The following FARP1 variants were observed in gnomAD, a reference collection of about 807,000 sequenced individuals.
FARP1 encodes the protein FERM, ARH/RhoGEF and pleckstrin domain protein 1.
In FARP1, 52 loss-of-function variants were observed where a neutral mutation model predicts 128.8. The ratio of observed to expected loss-of-function variants is 0.40; its 90% CI spans 0.32 to 0.51. The LOEUF is 0.51. Ranked by LOEUF, FARP1 falls within the 20% of genes least tolerant of loss-of-function variation. FARP1 has a pLI of 0.45. For synonymous variants in FARP1, 580 were observed against 551.8 expected (o/e 1.05, Z -0.72); for missense variants, 1,333 against 1,367.9 (o/e 0.97, Z 0.40).
intron 2 of FARP1, among the ~76,000 whole-genome samples, chr13:98,335,109 G>T (rs1305360315): frequency 6.6e-6 from 1 of 152,216 alleles, no homozygotes; most frequent in Non-Finnish European, 1.5e-5. Context: ...ATAGCCATTT[G>T]CTCTATTCTC....
intron 2 of FARP1, among the ~76,000 whole-genome samples, chr13:98,228,709 T>G (rs1594296232): frequency 6.6e-6 from 1 of 152,368 alleles, no homozygotes; most frequent in Admixed American, 6.5e-5. Flanking sequence ...GAACTTTTTT[T>G]TTCTGTTCAT....
intron 2 of FARP1, among the ~76,000 whole-genome samples, chr13:98,296,658 G>A (rs1885710428): frequency 6.7e-6 from 1 of 148,820 alleles, no homozygotes; most frequent in Non-Finnish European, 1.5e-5. Flanking sequence ...AACTGTAAAG[G>A]ATTTTACAAA....
At chr13:98,257,226 C>T (rs1883658423) in intron 2 of FARP1, among the ~76,000 whole-genome samples, 7 of 151,874 alleles carry the variant, frequency 4.6e-5, no homozygotes, top group Admixed American at 4.6e-4. Context: ...GTATTTAAAA[C>T]AACACTAGTC....
chr13:98,409,570 G>A (rs984337244), intron 14 of FARP1, 45 bp downstream of exon 14: 7 of 1,473,360 alleles, frequency 4.8e-6, no homozygotes, highest in African/African-American at 1.4e-5. Context: ...GTGTGTGCAC[G>A]TGTGTTTGTG....
intron 1 of FARP1, among the ~76,000 whole-genome samples, chr13:98,181,100 G>C (rs111954350): frequency 5.4e-4 from 82 of 151,882 alleles, no homozygotes; most frequent in African/African-American, 1.9e-3. Context: ...TTCTGAAAGA[G>C]TTGTATTGTA....
At chr13:98,415,191 G>GAA (rs1413513774) in intron 16 of FARP1, among the ~76,000 whole-genome samples, 1 of 152,120 alleles carries the variant, frequency 6.6e-6, no homozygotes, top group Non-Finnish European at 1.5e-5. Context: ...AGGGGGCTTT[G>GAA]AAAAAGGCAG....
At chr13:98,218,631 A>G (rs1179337890) in intron 2 of FARP1, among the ~76,000 whole-genome samples, 1 of 152,166 alleles carries the variant, frequency 6.6e-6, no homozygotes, top group Non-Finnish European at 1.5e-5. Flanking sequence ...AAAGAAAGCT[A>G]TGTGATGAGA....
chr13:98,181,949 C>A (rs990963302), intron 1 of FARP1, among the ~76,000 whole-genome samples: 5 of 152,094 alleles, frequency 3.3e-5, no homozygotes, highest in Admixed American at 2.6e-4. Context: ...ATGCTGACTT[C>A]ATTGCAAGAG....
chr13:98,182,726 G>A (rs1878615853), intron 1 of FARP1, among the ~76,000 whole-genome samples: 1 of 152,216 alleles, frequency 6.6e-6, no homozygotes, highest in Non-Finnish European at 1.5e-5. Context: ...ATATTTGAAG[G>A]ACAATTTGGC....
intron 12 of FARP1, among the ~76,000 whole-genome samples, chr13:98,394,484 C>T (rs772524728): frequency 1.6e-4 from 25 of 152,324 alleles, no homozygotes; most frequent in South Asian, 8.3e-4. Context: ...CTGGAAGGGC[C>T]GTCTTGTTCC....
intron 3 of FARP1, among the ~76,000 whole-genome samples, chr13:98,351,610 TAAAAAAA>T (rs67814587): frequency 4.8e-5 from 6 of 124,652 alleles, no homozygotes; most frequent in African/African-American, 1.8e-4. Flanking sequence ...AGACTCCATC[TAAAAAAA>T]AAAAAAAAAG....
At chr13:98,257,076 A>G (rs1337172617) in intron 2 of FARP1, among the ~76,000 whole-genome samples, 1 of 150,792 alleles carries the variant, frequency 6.6e-6, no homozygotes, top group Non-Finnish European at 1.5e-5. Flanking sequence ...GCGTTCTTCA[A>G]CATAATCACT....
intron 19 of FARP1, 84 bp downstream of exon 19, chr13:98,435,790 G>A (rs1892240679): frequency 6.9e-7 from 1 of 1,449,968 alleles, no homozygotes. Flanking sequence ...CTTTTGAAGA[G>A]AGACCCTTGC....
intron 2 of FARP1, among the ~76,000 whole-genome samples, chr13:98,280,428 C>G (rs573398105): frequency 3.9e-4 from 60 of 152,352 alleles, no homozygotes; most frequent in Non-Finnish European, 7.1e-4. Context: ...CTCACTCTTT[C>G]CTCATGTCTT....
At chr13:98,350,853 C>T (rs1271085163) in intron 3 of FARP1, among the ~76,000 whole-genome samples, 1 of 152,150 alleles carries the variant, frequency 6.6e-6, no homozygotes, top group Non-Finnish European at 1.5e-5. Context: ...TATCCAGCCA[C>T]CTCCTTCCTG....
chr13:98,307,264 T>C (rs1886207427), intron 2 of FARP1, among the ~76,000 whole-genome samples: 1 of 152,242 alleles, frequency 6.6e-6, no homozygotes, highest in Non-Finnish European at 1.5e-5. Context: ...ATGAAGTCAT[T>C]GATTTTTGAA....
intron 1 of FARP1, among the ~76,000 whole-genome samples, chr13:98,174,038 C>T (rs1877829484): frequency 6.6e-6 from 1 of 152,144 alleles, no homozygotes; most frequent in South Asian, 2.1e-4. Context: ...TTCTTCCTTC[C>T]AACTCCAGAA....
At chr13:98,308,058 T>C (rs1454612354) in intron 2 of FARP1, among the ~76,000 whole-genome samples, 1 of 98,610 alleles carries the variant, frequency 1.0e-5, no homozygotes, top group African/African-American at 3.8e-5. Flanking sequence ...TTTTTTTTTT[T>C]TTTTTTTGCT....
chr13:98,157,955 TC>T (rs1876608457), intron 1 of FARP1, among the ~76,000 whole-genome samples: 1 of 152,212 alleles, frequency 6.6e-6, no homozygotes, highest in African/African-American at 2.4e-5. Context: ...TTACTGCTCT[TC>T]CTTGATCCTC....
Sources: allele counts gnomAD v4.1 joint callset (sites outside exome capture counted in the v4.1 genomes callset), GRCh38; gene constraint gnomAD v4.1.1; transcripts MANE v1.5; gene names NCBI Gene and HGNC (gene_info 2026-07-23, HGNC 2026-07-21).